IL20RA: variants seen among roughly 807,000 people sequenced by gnomAD.
IL20RA encodes the protein interleukin 20 receptor subunit alpha, also known as interleukin-20 receptor subunit alpha.
IL20RA carries 29 observed loss-of-function variants against 36.5 expected under a neutral mutation model. That is an observed-to-expected ratio of 0.79 (90% CI 0.59 to 1.08). The LOEUF is 1.08. Ranked by LOEUF, IL20RA falls within the 50% of genes least tolerant of loss-of-function variation. The pLI is 0.00. For missense variants in IL20RA, 652 were observed against 668.4 expected, an observed-to-expected ratio of 0.98 and a Z score of 0.27; for synonymous variants, 279 against 267.1, an observed-to-expected ratio of 1.04 and a Z score of -0.43.
Position 137,026,224 on chromosome 6 carries a change from G to A in IL20RA, c.89-9121C>T, listed in dbSNP as rs146097903. Reference sequence around the variant, plus strand: ...TAAAGCTGAAGCTGTGAAGGAATCAGAGGCTCTGATCTGTTGGACACCAGG... The same window carrying A: ...TAAAGCTGAAGCTGTGAAGGAATCAAAGGCTCTGATCTGTTGGACACCAGG... On this transcript the variant is annotated intron_variant, in intron 1 of 6. Coordinates refer to ENST00000316649, the MANE Select transcript of IL20RA (RefSeq NM_014432.4). 1.9e-4 allele frequency among the ~76,000 whole-genome samples: 29 copies of A among 152,364 alleles called. No individual in the cohort carries two copies. In the East Asian group the frequency reaches 5.4e-3, roughly 28 times the overall value.
intron 1 of IL20RA, among the ~76,000 whole-genome samples, chr6:137,033,312 T>C (rs1776364008): frequency 6.6e-6 from 1 of 152,218 alleles, no homozygotes; most frequent in South Asian, 2.1e-4. Context: ...TCCACCCTAA[T>C]TCTGGGATGA....
At chr6:137,044,358 A>G in intron 1 of IL20RA, 1 of 987,956 alleles carries the variant, frequency 1.0e-6, no homozygotes, top group Non-Finnish European at 1.2e-6. Context: ...CCCCCCACCG[A>G]ACTCCCCCCA....
intron 1 of IL20RA, among the ~76,000 whole-genome samples, chr6:137,035,178 T>C (rs1016259339): frequency 2.0e-5 from 3 of 152,198 alleles, no homozygotes; most frequent in African/African-American, 7.2e-5. Context: ...AACCTACTTA[T>C]GACTACTGAT....
chr6:137,018,509 T>TGC (rs1775782313), intron 1 of IL20RA, among the ~76,000 whole-genome samples: 2 of 98,720 alleles, frequency 2.0e-5, no homozygotes, highest in African/African-American at 7.7e-5. Flanking sequence ...ACCACTGCCG[T>TGC]GTGCGTGTGT....
intron 1 of IL20RA, among the ~76,000 whole-genome samples, chr6:137,041,208 C>G (rs925191320): frequency 6.6e-6 from 1 of 152,180 alleles, no homozygotes; most frequent in Non-Finnish European, 1.5e-5. Context: ...GGATCTGTCA[C>G]CAGTTGGAGA....
At chr6:137,043,715 G>C (rs1776788735) in intron 1 of IL20RA, among the ~76,000 whole-genome samples, 2 of 152,144 alleles carry the variant, frequency 1.3e-5, no homozygotes, top group African/African-American at 4.8e-5. Context: ...GTTCAGTTCT[G>C]GGTTAAAAGA....
intron 1 of IL20RA, among the ~76,000 whole-genome samples, chr6:137,038,813 T>A: frequency 6.6e-6 from 1 of 152,192 alleles, no homozygotes; most frequent in East Asian, 1.9e-4. Context: ...AAGTCATTTT[T>A]AAAATGTAAC....
chr6:137,044,505 G>A (rs1776826532), intron 1 of IL20RA, 136 bp downstream of exon 1: 3 of 950,588 alleles, frequency 3.2e-6, no homozygotes, highest in East Asian at 3.6e-5. Context: ...CGGCCTCCGC[G>A]CACCTCGTCC....
intron 1 of IL20RA, among the ~76,000 whole-genome samples, chr6:137,031,236 T>G (rs964014800): frequency 2.1e-4 from 32 of 152,192 alleles, no homozygotes; most frequent in African/African-American, 7.7e-4. Flanking sequence ...ATAAGTTACC[T>G]TTCAGCCTAT....
intron 1 of IL20RA, among the ~76,000 whole-genome samples, chr6:137,035,825 A>C (rs193204882): frequency 6.6e-6 from 1 of 152,336 alleles, no homozygotes; most frequent in Non-Finnish European, 1.5e-5. Flanking sequence ...TTGAGCATTT[A>C]GTAGATAATT....
rs1281635735 is a variant in IL20RA, at chr6:137,001,574, A to G, written c.1646T>C (p.Val549Ala). 6.4e-7 allele frequency: 1 copy of G among 1,558,616 alleles called. No individual in the cohort carries two copies. The highest frequency in any genetic ancestry group is 8.7e-7 in the Non-Finnish European group (1 of 1,151,110). The change falls in exon 7 of 7, where the codon GTG becomes GCG. Residue 549 changes from valine to alanine, a missense_variant. Coordinates refer to ENST00000316649, the MANE Select transcript of IL20RA (RefSeq NM_014432.4). ...GTGTTGGCATCAGTTTTCCATCTGCACATATAACCCCCATTCCTCCATGAA... is the reference window on the plus strand; with the variant it reads ...GTGTTGGCATCAGTTTTCCATCTGCGCATATAACCCCCATTCCTCCATGAA... ...MQFMEEWGLY[V>A]QMEN
intron 1 of IL20RA, among the ~76,000 whole-genome samples, chr6:137,021,520 A>G (rs1775905091): frequency 2.7e-5 from 1 of 36,948 alleles, no homozygotes; most frequent in Admixed American, 4.5e-4. Context: ...AAAAAACACA[A>G]GAAACAAAAA....
In IL20RA at chr6:137,011,237, A is replaced by G. The variant is rs1238991360; in HGVS notation, c.403+37T>C. ...AGACTGTTAAACCTGATATGAATACATGTTTAACTGACCATTGCAATAATG... is the reference window on the plus strand; with the variant it reads ...AGACTGTTAAACCTGATATGAATACGTGTTTAACTGACCATTGCAATAATG... On this transcript the variant is annotated intron_variant, in intron 3 of 6. Transcript: ENST00000316649. 2.6e-6 allele frequency: 4 copies of G among 1,524,872 alleles called. No homozygotes were observed. In the South Asian group the frequency reaches 4.8e-5, roughly 18 times the overall value. The allele number at this position is 1,524,872 out of a possible 1,614,324, so 94.5% of individuals were successfully genotyped here.
intron 1 of IL20RA, among the ~76,000 whole-genome samples, chr6:137,042,351 G>C (rs1316988378): frequency 6.6e-6 from 1 of 152,206 alleles, no homozygotes; most frequent in Non-Finnish European, 1.5e-5. Context: ...CCTCTGAAGG[G>C]CTTTGAGCAG....
At chr6:137,042,809 C>T (rs566650412) in intron 1 of IL20RA, 11 of 152,186 alleles carry the variant, frequency 7.2e-5, no homozygotes, top group African/African-American at 1.9e-4. Context: ...GTCATAGAAC[C>T]TTAGTAAGCC....
chr6:137,044,215 C>G, intron 1 of IL20RA: 1 of 987,898 alleles, frequency 1.0e-6, no homozygotes, highest in Non-Finnish European at 1.2e-6. Context: ...GCGGCCGAGA[C>G]GCGGCATCCA....
intron 1 of IL20RA, among the ~76,000 whole-genome samples, chr6:137,032,984 T>C (rs1776352774): frequency 6.6e-6 from 1 of 152,160 alleles, no homozygotes; most frequent in Admixed American, 6.5e-5. Flanking sequence ...AGGGCAATAA[T>C]GAAGAGACGC....
chr6:137,023,193 G>A (rs956003287), intron 1 of IL20RA, among the ~76,000 whole-genome samples: 1 of 151,986 alleles, frequency 6.6e-6, no homozygotes, highest in African/African-American at 2.4e-5. Context: ...ACTAAGCAAG[G>A]GAGTAAGGCT....
chr6:137,033,108 T>G (rs1776357328), intron 1 of IL20RA, among the ~76,000 whole-genome samples: 1 of 152,210 alleles, frequency 6.6e-6, no homozygotes, highest in Non-Finnish European at 1.5e-5. Flanking sequence ...GCTCTAAGGC[T>G]GGATGTCTGA....
Sources: allele counts gnomAD v4.1 joint callset (sites outside exome capture counted in the v4.1 genomes callset), GRCh38; gene constraint gnomAD v4.1.1; transcripts MANE v1.5; gene names NCBI Gene and HGNC (gene_info 2026-07-23, HGNC 2026-07-21).